The following SEMA3A variants were observed in gnomAD, a reference collection of about 807,000 sequenced individuals.
SEMA3A encodes semaphorin 3A, also known as semaphorin-3A.
A neutral mutation model predicts 97.9 loss-of-function variants in SEMA3A; 29 were observed. The observed-to-expected ratio is 0.30, with a 90% CI of 0.22 to 0.40. The LOEUF (loss-of-function observed/expected upper bound fraction) is 0.40, where lower values mean the gene tolerates loss of function less well. SEMA3A is among the 10% of genes least tolerant of loss of function. SEMA3A has a pLI of 1.00. For synonymous variants in SEMA3A, 321 were observed against 323.7 expected, an observed-to-expected ratio of 0.99 and a Z score of 0.09; for missense variants, 763 against 951.3, an observed-to-expected ratio of 0.80 and a Z score of 2.60.
intron 3 of SEMA3A, among the ~76,000 whole-genome samples, chr7:84,280,223 G>C (rs1053709003): frequency 5.9e-5 from 9 of 152,036 alleles, no homozygotes; most frequent in African/African-American, 2.2e-4. Flanking sequence ...AGTTATTTCA[G>C]TCATAGTTCG....
chr7:84,474,839 T>G (rs1806239174), intron 1 of SEMA3A, among the ~76,000 whole-genome samples: 1 of 151,956 alleles, frequency 6.6e-6, no homozygotes, highest in Admixed American at 6.6e-5. Context: ...TAGGAATAAA[T>G]GTTTATATTT....
chr7:84,066,288 T>A (rs1793491585), intron 4 of SEMA3A, among the ~76,000 whole-genome samples: 1 of 152,020 alleles, frequency 6.6e-6, no homozygotes. Flanking sequence ...ATAAGAGCTA[T>A]CTATGACAAA....
At chr7:84,170,239 T>C (rs1424498860) in intron 1 of SEMA3A, among the ~76,000 whole-genome samples, 1 of 152,024 alleles carries the variant, frequency 6.6e-6, no homozygotes, top group Non-Finnish European at 1.5e-5. Context: ...CGTTGCTTTA[T>C]ATTTTTCCCA....
chr7:84,004,352 T>A (rs1790580940), intron 11 of SEMA3A, among the ~76,000 whole-genome samples: 1 of 152,140 alleles, frequency 6.6e-6, no homozygotes, highest in Non-Finnish European at 1.5e-5. Context: ...ATGGAATTAG[T>A]AAAAGTGAAT....
chr7:84,241,558 C>A (rs1039026808), intron 3 of SEMA3A, among the ~76,000 whole-genome samples: 11 of 152,126 alleles, frequency 7.2e-5, no homozygotes, highest in African/African-American at 2.7e-4. Context: ...TGTAGGTTGC[C>A]TGCTCACTCT....
chr7:84,347,569 G>A (rs747151182), intron 2 of SEMA3A, among the ~76,000 whole-genome samples: 4 of 151,840 alleles, frequency 2.6e-5, no homozygotes, highest in African/African-American at 9.7e-5. Flanking sequence ...GCGCCACCAC[G>A]CCCGGCTAAT....
At chr7:84,043,648 G>A (rs888465036) in intron 6 of SEMA3A, among the ~76,000 whole-genome samples, 4 of 151,986 alleles carry the variant, frequency 2.6e-5, no homozygotes, top group Admixed American at 2.6e-4. Flanking sequence ...ATTCTGTAAT[G>A]GTATTTAATT....
intron 1 of SEMA3A, among the ~76,000 whole-genome samples, chr7:84,468,167 A>G (rs538359130): frequency 6.6e-6 from 1 of 152,312 alleles, no homozygotes; most frequent in Non-Finnish European, 1.5e-5. Context: ...AGCATCCACT[A>G]CTGTATTTTT....
intron 2 of SEMA3A, among the ~76,000 whole-genome samples, chr7:84,339,848 C>T (rs537352361): frequency 3.7e-4 from 56 of 152,158 alleles, no homozygotes; most frequent in African/African-American, 1.2e-3. Context: ...CATATAGCAT[C>T]TTTAAGGAAC....
chr7:84,257,621 C>T (rs1378022183), intron 3 of SEMA3A, among the ~76,000 whole-genome samples: 1 of 152,080 alleles, frequency 6.6e-6, no homozygotes, highest in East Asian at 1.9e-4. Context: ...ATGGCCAGGG[C>T]CTCCCAGTAG....
chr7:84,356,826 A>G (rs1802572013), intron 2 of SEMA3A, among the ~76,000 whole-genome samples: 3 of 150,764 alleles, frequency 2.0e-5, no homozygotes, highest in Non-Finnish European at 3.0e-5. Context: ...ACAGAAAAAA[A>G]TTACAACATT....
intron 4 of SEMA3A, among the ~76,000 whole-genome samples, chr7:84,103,506 C>A (rs1795016744): frequency 6.6e-6 from 1 of 152,046 alleles, no homozygotes; most frequent in Non-Finnish European, 1.5e-5. Flanking sequence ...CAGTTAAAAA[C>A]AAGACTGAGA....
chr7:84,238,831 C>T (rs1799294781), intron 3 of SEMA3A, among the ~76,000 whole-genome samples: 1 of 152,062 alleles, frequency 6.6e-6, no homozygotes, highest in South Asian at 2.1e-4. Context: ...TCCCCTGACT[C>T]AGCCTCCCGA....
chr7:83,964,288 A>T (rs1415482932), intron 15 of SEMA3A, among the ~76,000 whole-genome samples: 1 of 152,200 alleles, frequency 6.6e-6, no homozygotes, highest in East Asian at 1.9e-4. Flanking sequence ...AAACTCATTA[A>T]ATTAATTTAG....
chr7:84,326,125 G>A lies in SEMA3A; in HGVS notation c.-168-18833C>T, dbSNP rs142455420. On this transcript the variant is annotated intron_variant, in intron 2 of 3. Coordinates refer to the SEMA3A transcript ENST00000424555. ...AAATAATATCCCTCTGTGATCTGGC[G>A]TACTTCAAAAGAACCACTCTGGCAA... Among the ~76,000 whole-genome samples, 1,025 of 152,122 alleles carry A rather than the reference G, an allele frequency of 6.7e-3. 8 individuals carry two copies. Among genetic ancestry groups the A allele is most frequent in the African/African-American group, 0.02 (828 of 41,506 alleles).
At chr7:84,201,756 G>C (rs746350604) in intron 3 of SEMA3A, among the ~76,000 whole-genome samples, 28 of 152,042 alleles carry the variant, frequency 1.8e-4, no homozygotes, top group Non-Finnish European at 4.0e-4. Flanking sequence ...AAACAGAACA[G>C]AAATAACATC....
intron 3 of SEMA3A, among the ~76,000 whole-genome samples, chr7:84,208,953 T>G (rs774091656): frequency 2.6e-5 from 4 of 152,214 alleles, no homozygotes; most frequent in Non-Finnish European, 5.9e-5. Context: ...AGAAATTACA[T>G]TCAACATCTA....
chr7:84,000,731 A>G (rs1026273398), intron 12 of SEMA3A, among the ~76,000 whole-genome samples: 2 of 152,190 alleles, frequency 1.3e-5, no homozygotes, highest in African/African-American at 2.4e-5. Context: ...CAAAACATCT[A>G]TGCTACAATT....
chr7:83,987,088 C>A (rs1400940642), intron 12 of SEMA3A, among the ~76,000 whole-genome samples: 1 of 149,718 alleles, frequency 6.7e-6, no homozygotes, highest in Non-Finnish European at 1.5e-5. Context: ...TTATACACAT[C>A]TTATCTAATA....
Sources: allele counts gnomAD v4.1 joint callset (sites outside exome capture counted in the v4.1 genomes callset), GRCh38; gene constraint gnomAD v4.1.1; transcripts MANE v1.5; gene names NCBI Gene and HGNC (gene_info 2026-07-23, HGNC 2026-07-21).